The following RNF150 variants were observed in gnomAD, a reference collection of about 807,000 sequenced individuals.
RNF150 encodes ring finger protein 150.
A neutral mutation model predicts 39.3 loss-of-function variants in RNF150; 24 were observed. The ratio of observed to expected loss-of-function variants is 0.61; its 90% CI spans 0.44 to 0.86. The LOEUF (loss-of-function observed/expected upper bound fraction) is 0.86. RNF150 is among the 40% of genes least tolerant of loss of function. RNF150 has a pLI of 0.00. For missense variants in RNF150, 502 were observed against 587.8 expected (o/e 0.85, Z 1.51); for synonymous variants, 255 against 227.3 (o/e 1.12, Z -1.10).
intron 1 of RNF150, among the ~76,000 whole-genome samples, chr4:141,175,579 A>G (rs1333000737): frequency 6.6e-6 from 1 of 152,212 alleles, no homozygotes; most frequent in African/African-American, 2.4e-5. Flanking sequence ...AGAGGGCCTA[A>G]CATATTAACA....
chr4:140,989,526 G>A (rs1219996847), intron 1 of RNF150, among the ~76,000 whole-genome samples: 1 of 152,204 alleles, frequency 6.6e-6, no homozygotes, highest in South Asian at 2.1e-4. Flanking sequence ...CTATAAGTAG[G>A]TCTTTAAAAC....
At chr4:141,125,551 G>T (rs1726725792) in intron 1 of RNF150, among the ~76,000 whole-genome samples, 1 of 152,014 alleles carries the variant, frequency 6.6e-6, no homozygotes, top group South Asian at 2.1e-4. Flanking sequence ...AGACTTTCAG[G>T]GCTATCAAAA....
Position 140,910,905 on chromosome 4 carries a change from T to C in RNF150, c.1198+239A>G, listed in dbSNP as rs556879003. On this transcript the variant is annotated intron_variant, in intron 6 of 6. Transcript: ENST00000515673. ...GGAGAGTGTGCAATGCTGTGATGTG[T>C]GAGCCCTGGTGTCAGTGTGTGGGCA... The C allele has an allele frequency of 1.0e-4, 62 of 592,480 alleles. 2 individuals are homozygous for C. The South Asian group carries it at 1.3e-3, about 12-fold the overall frequency. 36.7% of individuals were successfully genotyped at this position (592,480 alleles called of 1,614,324 possible).
At chr4:140,937,143 C>T (rs967667712) in intron 4 of RNF150, among the ~76,000 whole-genome samples, 5 of 152,158 alleles carry the variant, frequency 3.3e-5, no homozygotes, top group African/African-American at 9.7e-5. Context: ...CAACTAACCT[C>T]ATGATTTTAT....
chr4:141,162,445 A>T (rs532301985), intron 1 of RNF150, among the ~76,000 whole-genome samples: 1 of 152,216 alleles, frequency 6.6e-6, no homozygotes, highest in Non-Finnish European at 1.5e-5. Context: ...GGCTAGCCTT[A>T]TCTCAGATGA....
At chr4:140,944,668 A>G (rs1049970376) in intron 4 of RNF150, 1 of 152,212 alleles carries the variant, frequency 6.6e-6, no homozygotes, top group Non-Finnish European at 1.5e-5. Flanking sequence ...CTAAATGAAA[A>G]CAATAGTGAA....
intron 1 of RNF150, among the ~76,000 whole-genome samples, chr4:141,120,677 A>T (rs1726576773): frequency 6.6e-6 from 1 of 152,184 alleles, no homozygotes; most frequent in African/African-American, 2.4e-5. Flanking sequence ...GGAGCATTTG[A>T]GGACCAGCAA....
At chr4:140,946,558 C>T (rs1466418502) in intron 4 of RNF150, among the ~76,000 whole-genome samples, 1 of 152,100 alleles carries the variant, frequency 6.6e-6, no homozygotes, top group Non-Finnish European at 1.5e-5. Flanking sequence ...ATGATCATTG[C>T]TCAGTATAAC....
intron 4 of RNF150, among the ~76,000 whole-genome samples, chr4:140,937,958 G>C (rs1731922015): frequency 6.6e-6 from 1 of 152,096 alleles, no homozygotes. Context: ...GAAAAAATCT[G>C]TTCCTAATCA....
intron 1 of RNF150, among the ~76,000 whole-genome samples, chr4:141,042,980 A>G (rs1736425573): frequency 6.6e-6 from 1 of 152,156 alleles, no homozygotes; most frequent in Non-Finnish European, 1.5e-5. Flanking sequence ...CTAATACTTC[A>G]GGGAAAACTT....
intron 1 of RNF150, among the ~76,000 whole-genome samples, chr4:141,023,224 A>AGAT (rs34239783): frequency 0.022 from 3,355 of 150,474 alleles, 35 homozygotes; most frequent in African/African-American, 0.037. Flanking sequence ...GAAACTGGTG[A>AGAT]GATGATGATG....
intron 1 of RNF150, among the ~76,000 whole-genome samples, chr4:141,017,239 T>C (rs906188139): frequency 2.0e-5 from 3 of 152,190 alleles, no homozygotes; most frequent in African/African-American, 7.2e-5. Flanking sequence ...CTGCTTTTCC[T>C]AAACTCCTAC....
chr4:140,949,268 C>T, intron 3 of RNF150, 33 bp downstream of exon 3: 1 of 1,555,980 alleles, frequency 6.4e-7, no homozygotes, highest in Non-Finnish European at 8.8e-7. Flanking sequence ...CTTTGAATAG[C>T]TCCTCACCAA....
chr4:141,053,368 T>A (rs552552475), intron 1 of RNF150, among the ~76,000 whole-genome samples: 11 of 151,764 alleles, frequency 7.2e-5, no homozygotes, highest in South Asian at 2.1e-4. Flanking sequence ...TACCAAAATT[T>A]AAAAAAAATG....
intron 5 of RNF150, among the ~76,000 whole-genome samples, chr4:140,919,798 T>C (rs1449444969): frequency 7.5e-6 from 1 of 133,224 alleles, no homozygotes; most frequent in Non-Finnish European, 1.7e-5. Flanking sequence ...GTTACAAGGC[T>C]ACGGTAATCA....
At chr4:141,212,680 C>T (rs1458849592) in intron 1 of RNF150, 3 of 152,244 alleles carry the variant, frequency 2.0e-5, no homozygotes, top group African/African-American at 7.2e-5. Flanking sequence ...CAGCCTCCTA[C>T]TCTTCTTGGC....
chr4:141,197,309 A>G (rs139948709), intron 1 of RNF150, among the ~76,000 whole-genome samples: 3 of 152,340 alleles, frequency 2.0e-5, no homozygotes, highest in Non-Finnish European at 2.9e-5. Context: ...TGTTAGGTAC[A>G]TAATTACTTA....
chr4:141,039,056 A>G (rs1578658620), intron 1 of RNF150, among the ~76,000 whole-genome samples: 1 of 152,178 alleles, frequency 6.6e-6, no homozygotes, highest in African/African-American at 2.4e-5. Context: ...CCTGGGAAGG[A>G]TGTAAAAGCC....
chr4:141,156,704 A>T, intron 1 of RNF150, among the ~76,000 whole-genome samples: 1 of 145,802 alleles, frequency 6.9e-6, no homozygotes, highest in Admixed American at 7.1e-5. Context: ...GACCAGCCTG[A>T]CCAATATGGC....
Sources: gnomAD v4.1 joint callset for allele counts (sites outside exome capture counted in the v4.1 genomes callset) on GRCh38, gnomAD v4.1.1 for gene constraint, MANE v1.5 for transcripts, NCBI Gene and HGNC (gene_info 2026-07-23, HGNC 2026-07-21) for gene names.